Variants in MINAR2 observed in about 807,000 individuals in gnomAD.
MINAR2 encodes major intrinsically disordered NOTCH2-binding receptor 1-like.
Under a neutral mutation model 16.1 loss-of-function variants are expected in MINAR2, and 21 were observed. The observed-to-expected ratio is 1.31, with a 90% CI of 0.93 to 1.88. MINAR2 has a LOEUF of 1.88. Ranked by LOEUF, MINAR2 falls within the 40% of genes most tolerant of loss-of-function variation. The probability of loss-of-function intolerance (pLI) is 0.00; values close to 1 mark genes in which losing one functional copy is unlikely to be tolerated. For missense variants in MINAR2, 259 were observed against 229.8 expected (o/e 1.13, Z -0.82); for synonymous variants, 86 against 83.0 (o/e 1.04, Z -0.20).
At chr5:129,754,320 T>A (rs1013486243) in intron 1 of MINAR2, among the ~76,000 whole-genome samples, 10 of 152,172 alleles carry the variant, frequency 6.6e-5, no homozygotes, top group Non-Finnish European at 1.0e-4. Flanking sequence ...ATCAAATATG[T>A]GCTTTAGAAA....
chr5:129,761,356 A>G (rs912438360), intron 2 of MINAR2, among the ~76,000 whole-genome samples: 1 of 152,160 alleles, frequency 6.6e-6, no homozygotes, highest in Non-Finnish European at 1.5e-5. Flanking sequence ...GCCATTTTCC[A>G]AGTATATACC....
In MINAR2 at chr5:129,765,159, T is replaced by C. The variant is rs938027996; in HGVS notation, c.*96T>C. 7.5e-5 allele frequency: 47 copies of C among 626,328 alleles called. No individual in the cohort carries two copies. Among genetic ancestry groups the C allele is most frequent in the Non-Finnish European group, 1.0e-4 (44 of 427,070 alleles). 38.8% of individuals were successfully genotyped at this position (626,328 alleles called of 1,614,324 possible). On this transcript the variant is annotated 3_prime_UTR_variant, in exon 3 of 3. Transcript: ENST00000564719. ...CACCAAAATAACAAAAAAACACATGTACATGCAGTGTGAATGGATTGTTGA... is the reference window on the plus strand; with the variant it reads ...CACCAAAATAACAAAAAAACACATGCACATGCAGTGTGAATGGATTGTTGA...
intron 2 of MINAR2, 146 bp from the exon 3 acceptor site, chr5:129,764,738 G>A: frequency 2.4e-6 from 1 of 422,712 alleles, no homozygotes; most frequent in Non-Finnish European, 4.0e-6. Flanking sequence ...TACCGCTCAT[G>A]TGAGCCATGA....
chr5:129,758,482 T>G (rs1397656454), intron 1 of MINAR2, among the ~76,000 whole-genome samples: 2 of 152,184 alleles, frequency 1.3e-5, no homozygotes, highest in East Asian at 3.9e-4. Context: ...AAATATCATC[T>G]AGAAATAAGG....
At chr5:129,750,410 G>A (rs569878173) in intron 1 of MINAR2, among the ~76,000 whole-genome samples, 132 of 152,264 alleles carry the variant, frequency 8.7e-4, no homozygotes, top group Non-Finnish European at 1.5e-3. Context: ...CACTCCATTG[G>A]GGAGTCAGTA....
In MINAR2 at chr5:129,749,583, T is replaced by TAAATG. The variant is rs151056379; in HGVS notation, c.165+1248_165+1252dup. ...TTGTAGGCGTTCTTTTTTTAAGTTT[T>TAAATG]AAATGAAATGAAATGAAATGAAATT... On this transcript the variant is annotated intron_variant, in intron 1 of 2. Transcript: ENST00000564719. Among the ~76,000 whole-genome samples, 1,353 of 152,284 alleles carry TAAATG rather than the reference T, an allele frequency of 8.9e-3. 12 individuals are homozygous for TAAATG. The highest frequency in any genetic ancestry group is 0.013 in the Non-Finnish European group (871 of 68,000).
chr5:129,751,613 T>G (rs887430996), intron 1 of MINAR2, among the ~76,000 whole-genome samples: 2 of 152,208 alleles, frequency 1.3e-5, no homozygotes, highest in African/African-American at 4.8e-5. Context: ...GCAGAGAGTA[T>G]ACACAGATAT....
chr5:129,750,178 CATT>C (rs1212073769), intron 1 of MINAR2, among the ~76,000 whole-genome samples: 1 of 152,160 alleles, frequency 6.6e-6, no homozygotes, highest in East Asian at 1.9e-4. Flanking sequence ...TGCAATGCAT[CATT>C]AACTAATTCT....
chr5:129,748,406 G>T, intron 1 of MINAR2, 51 bp downstream of exon 1: 6 of 1,502,016 alleles, frequency 4.0e-6, no homozygotes, highest in South Asian at 2.5e-5. Flanking sequence ...TTTCTTTCTC[G>T]CTATCTGCCA....
In MINAR2 at chr5:129,748,323, G is replaced by A. The variant is rs1384596936; in HGVS notation, c.133G>A (p.Ala45Thr). The A allele has an allele frequency of 1.3e-6, 2 of 1,535,040 alleles. No individual in the cohort carries two copies. Among genetic ancestry groups the A allele is most frequent in the East Asian group, 2.4e-5 (1 of 40,924 alleles). ...GTTTCCGGGTGGAAATTATCCTGCT[G>A]CACAACACTGGCAAAACCTTGTCTA... ...VRFPGGNYPA[A>T]QHWQNLVYSQ... Residue 45 changes from alanine to threonine, a missense_variant, in exon 1 of 3, where the codon GCA (alanine) becomes ACA (threonine). By Grantham distance (58) the Ala-to-Thr change is moderately conservative. Transcript: ENST00000564719.
chr5:129,759,425 A>G (rs1325764177), intron 1 of MINAR2, among the ~76,000 whole-genome samples: 1 of 152,152 alleles, frequency 6.6e-6, no homozygotes, highest in Non-Finnish European at 1.5e-5. Context: ...CAATGAACAA[A>G]TTTTAATTTC....
rs1180512240 is a variant in MINAR2, at chr5:129,765,425, C to T, written c.*362C>T. 2 of 168,810 alleles carry T rather than the reference C, an allele frequency of 1.2e-5. No homozygotes were observed. The highest frequency in any genetic ancestry group is 1.3e-4 in the Admixed American group (2 of 15,724). The allele number at this position is 168,810 out of a possible 1,614,324, so 10.5% of individuals were successfully genotyped here. A position where few individuals can be genotyped will look rare whatever the true frequency, so the allele number is the denominator to read the frequency against. On this transcript the variant is annotated 3_prime_UTR_variant, in exon 3 of 3. Transcript: ENST00000564719. ...GTTTTCATGCTTAAACTATATTAAC[C>T]TTGTTTTAAAAATACTGTTAACTCT...
chr5:129,766,634 T>TACAAAAAAAAAAAAAAA lies in MINAR2; in HGVS notation c.*1572_*1573insCAAAAAAAAAAAAAAAA, dbSNP rs1758218440. 9.7e-6 allele frequency: 1 copy of TACAAAAAAAAAAAAAAA among 103,562 alleles called. No individual in the cohort carries two copies. The highest frequency in any genetic ancestry group is 1.8e-5 in the Non-Finnish European group (1 of 56,838). The allele number at this position is 103,562 out of a possible 1,614,324, so 6.4% of individuals were successfully genotyped here. On this transcript the variant is annotated 3_prime_UTR_variant, in exon 3 of 3. Transcript: ENST00000564719. Reference sequence around the variant, plus strand: ...CCTGGGTGACAGAGTGAGACTTCCATAAAAAAAAAAAAAAAAAAAAAACAA... The same window carrying TACAAAAAAAAAAAAAAA: ...CCTGGGTGACAGAGTGAGACTTCCATACAAAAAAAAAAAAAAAAAAAAAAAAAAAAAAAAAAAAACAA...
rs544944547 is a variant in MINAR2 at position 129,760,465 on chromosome 5, T to C, written c.253T>C (p.Ser85Pro). The change falls in exon 2 of 3, where the codon TCA becomes CCA. Residue 85 changes from serine (S) to proline (P), a missense_variant. By Grantham distance (74) the Ser-to-Pro change is moderately conservative. Transcript: ENST00000564719. ...VTADSPPPSM[S>P]SVMKNNPLYG... ...TGCTGATAGCCCCCCACCATCCATG[T>C]CATCAGTTATGAAGAATAACCCACT... 6.5e-7 allele frequency: 1 copy of C among 1,535,844 alleles called. No homozygotes were observed. The highest frequency in any genetic ancestry group is 1.2e-5 in the South Asian group (1 of 84,042).
intron 1 of MINAR2, among the ~76,000 whole-genome samples, chr5:129,751,855 T>A (rs1757988723): frequency 6.6e-6 from 1 of 152,158 alleles, no homozygotes; most frequent in South Asian, 2.1e-4. Context: ...CTGATTTTTT[T>A]AAACAAATGT....
intron 1 of MINAR2, among the ~76,000 whole-genome samples, chr5:129,756,864 T>C (rs1335785496): frequency 6.7e-6 from 1 of 149,992 alleles, no homozygotes; most frequent in African/African-American, 2.4e-5. Flanking sequence ...CCAAGGATCT[T>C]GCCAGGAATT....
intron 1 of MINAR2, among the ~76,000 whole-genome samples, chr5:129,754,182 G>T (rs552202061): frequency 6.6e-6 from 1 of 152,124 alleles, no homozygotes; most frequent in Non-Finnish European, 1.5e-5. Flanking sequence ...GCAGGGAAAG[G>T]CAGGACATAA....
At chr5:129,758,447 C>A (rs1758083279) in intron 1 of MINAR2, among the ~76,000 whole-genome samples, 1 of 151,986 alleles carries the variant, frequency 6.6e-6, no homozygotes, top group South Asian at 2.1e-4. Flanking sequence ...GCACTATGCT[C>A]TATAATAAAC....
chr5:129,760,479 G>A lies in MINAR2; in HGVS notation c.267G>A (p.Lys89=). The A allele has an allele frequency of 6.5e-7, 1 of 1,535,820 alleles. No individual in the cohort carries two copies. Among genetic ancestry groups the A allele is most frequent in the Non-Finnish European group, 8.7e-7 (1 of 1,146,598 alleles). The change falls in exon 2 of 3, where the codon AAG becomes AAA. Residue 89 remains lysine (K), a synonymous_variant. Transcript: ENST00000564719. ...CACCATCCATGTCATCAGTTATGAA[G>A]AATAACCCACTCTATGGTGACCTAA... ...SPPPSMSSVM[K]NNPLYGDLSL...
Sources: gnomAD v4.1 joint callset for allele counts (sites outside exome capture counted in the v4.1 genomes callset) on GRCh38, gnomAD v4.1.1 for gene constraint, MANE v1.5 for transcripts, NCBI Gene and HGNC (gene_info 2026-07-23, HGNC 2026-07-21) for gene names.